SLC25A10: variants seen among roughly 807,000 people sequenced by gnomAD.
The protein encoded by SLC25A10 is solute carrier family 25 member 10, also known as mitochondrial dicarboxylate carrier.
A neutral mutation model predicts 40.4 loss-of-function variants in SLC25A10; 32 were observed. That is an observed-to-expected ratio of 0.79 (90% CI 0.60 to 1.06). SLC25A10 has a LOEUF of 1.06. SLC25A10 is among the 50% of genes least tolerant of loss of function. The probability of loss-of-function intolerance (pLI) is 0.00; values close to 1 mark genes in which losing one functional copy is unlikely to be tolerated. For synonymous variants in SLC25A10, 181 were observed against 171.1 expected (o/e 1.06, Z -0.45); for missense variants, 394 against 402.6 (o/e 0.98, Z 0.18).
Position 81,712,472 on chromosome 17 carries a change from G to A in SLC25A10, c.46G>A (p.Ala16Thr). Reference sequence around the variant, plus strand: ...GTCGCGCTGGTACTTCGGGGGGCTGGCCTCCTGCGGGGCCGCCTGCTGCAC... The same window carrying A: ...GTCGCGCTGGTACTTCGGGGGGCTGACCTCCTGCGGGGCCGCCTGCTGCAC... ...RVSRWYFGGL[A>T]SCGAACCTHP... The change falls in exon 1 of 11, where the codon GCC (alanine) becomes ACC (threonine). Residue 16 changes from alanine to threonine, a missense_variant. Transcript: ENST00000350690. 1 of 1,305,290 alleles carries A rather than the reference G, an allele frequency of 7.7e-7. No homozygotes were observed. Among genetic ancestry groups the A allele is most frequent in the Non-Finnish European group, 9.7e-7 (1 of 1,028,728 alleles). 80.9% of individuals were successfully genotyped at this position (1,305,290 alleles called of 1,614,324 possible). A position where few individuals can be genotyped will look rare whatever the true frequency, so the allele number is the denominator to read the frequency against.
intron 5 of SLC25A10, 185 bp from the exon 6 acceptor site, chr17:81,716,627 G>A (rs979688775): frequency 2.7e-5 from 17 of 618,688 alleles, no homozygotes; most frequent in Admixed American, 1.4e-4. Context: ...CCTGAGGGCC[G>A]GGCGGGGCGG....
At chr17:81,716,117 G>T in intron 5 of SLC25A10, 67 bp downstream of exon 5, 1 of 1,513,546 alleles carries the variant, frequency 6.6e-7, no homozygotes, top group Non-Finnish European at 9.0e-7. Context: ...CGGACCCCTG[G>T]CTGCTCTGCC....
In SLC25A10 at chr17:81,717,387, G is replaced by A; in HGVS notation, c.535-12G>A. 3 of 1,613,038 alleles carry A rather than the reference G, an allele frequency of 1.9e-6. No homozygotes were observed. The highest frequency in any genetic ancestry group is 1.7e-6 in the Non-Finnish European group (2 of 1,179,832). ...CCCCCCTACAGCCCTGACCGCCCTT[G>A]TGCCCCTGCAGCTGTCCTGCTACGA... On this transcript the variant is annotated splice_polypyrimidine_tract_variant and intron_variant, in intron 7 of 10. Transcript: ENST00000350690.
chr17:81,716,368 CT>C (rs1208057607), intron 5 of SLC25A10, among the ~76,000 whole-genome samples: 1 of 152,218 alleles, frequency 6.6e-6, no homozygotes, highest in Non-Finnish European at 1.5e-5. Context: ...GAGGCGCTGC[CT>C]CCCTGCCCAG....
chr17:81,714,845 C>A, intron 1 of SLC25A10, 108 bp from the exon 2 acceptor site: 1 of 1,462,716 alleles, frequency 6.8e-7, no homozygotes, highest in African/African-American at 1.4e-5. Flanking sequence ...CGGGCAGGGC[C>A]GTGGGAGGCC....
chr17:81,715,448 G>T, intron 2 of SLC25A10, 30 bp from the exon 3 acceptor site: 1 of 1,577,998 alleles, frequency 6.3e-7, no homozygotes, highest in Non-Finnish European at 8.7e-7. Context: ...GGGCGTGCCC[G>T]TCCCTCCAAG....
Position 81,719,849 on chromosome 17 carries a change from G to C in SLC25A10, c.724G>C (p.Val242Leu). 1.2e-6 allele frequency: 2 copies of C among 1,613,632 alleles called. No individual in the cohort carries two copies. Among genetic ancestry groups the C allele is most frequent in the Non-Finnish European group, 1.7e-6 (2 of 1,179,988 alleles). Residue 242 changes from valine to leucine, a missense_variant, in exon 10 of 11, where the codon GTG becomes CTG. By Grantham distance (32) the Val-to-Leu change is conservative. Transcript: ENST00000350690. ...TCTGCAGGGCGTTTTCCACTGCGCCGTGGAGACAGCGAAGCTCGGGCCTCT... is the reference window on the plus strand; with the variant it reads ...TCTGCAGGGCGTTTTCCACTGCGCCCTGGAGACAGCGAAGCTCGGGCCTCT... Reference protein sequence around the residue: ...GEYQGVFHCAVETAKLGPLAF... With the variant: ...GEYQGVFHCALETAKLGPLAF...
At chr17:81,719,223 A>G (rs933021090) in intron 9 of SLC25A10, among the ~76,000 whole-genome samples, 6 of 148,860 alleles carry the variant, frequency 4.0e-5, no homozygotes, top group African/African-American at 1.5e-4. Context: ...ACGTGCCACC[A>G]CTCCTGGCTA....
rs1251733949 is a variant in SLC25A10 at position 81,720,601 on chromosome 17, G to A, written c.*524G>A. On this transcript the variant is annotated 3_prime_UTR_variant, in exon 11 of 11. Coordinates refer to ENST00000350690, the MANE Select transcript of SLC25A10 (RefSeq NM_012140.5). ...ACTCCCCGCGAGACCCCGCAGCTGG[G>A]TGGGATGAACAAGCAACGCAGACCA... The A allele has an allele frequency of 2.7e-6, 3 of 1,121,084 alleles. No homozygotes were observed. The highest frequency in any genetic ancestry group is 1.1e-6 in the Non-Finnish European group (1 of 878,846). The allele number at this position is 1,121,084 out of a possible 1,614,324, so 69.4% of individuals were successfully genotyped here. A position where few individuals can be genotyped will look rare whatever the true frequency, so the allele number is the denominator to read the frequency against.
At chr17:81,715,339 G>A (rs1598211599) in intron 2 of SLC25A10, 139 bp from the exon 3 acceptor site, 2 of 841,038 alleles carry the variant, frequency 2.4e-6, no homozygotes, top group South Asian at 1.6e-5. Context: ...TCAGCCGCAT[G>A]CTGGCACAGT....
At chr17:81,714,356 G>A (rs1484196839) in intron 1 of SLC25A10, among the ~76,000 whole-genome samples, 1 of 152,190 alleles carries the variant, frequency 6.6e-6, no homozygotes, top group Non-Finnish European at 1.5e-5. Context: ...GGAGGTTGTC[G>A]GGCTGACAGC....
At chr17:81,715,816 G>A in intron 4 of SLC25A10, 75 bp downstream of exon 4, 2 of 1,578,664 alleles carry the variant, frequency 1.3e-6, no homozygotes, top group Non-Finnish European at 1.7e-6. Context: ...TGCCAGGGCT[G>A]CTTGCAGGGT....
intron 3 of SLC25A10, 28 bp downstream of exon 3, chr17:81,715,620 G>A (rs8071492): frequency 0.13 from 209,965 of 1,611,158 alleles, 14,658 homozygotes; most frequent in African/African-American, 0.2. Flanking sequence ...AGGGGGAGGG[G>A]CGCGGGGTGG....
At chr17:81,716,947 A>G in intron 6 of SLC25A10, 55 bp from the exon 7 acceptor site, 1 of 1,187,824 alleles carries the variant, frequency 8.4e-7, no homozygotes, top group South Asian at 1.3e-5. Flanking sequence ...GATTTGGGCC[A>G]GGTGCCTGGC....
chr17:81,715,139 C>T, intron 2 of SLC25A10, 67 bp downstream of exon 2: 1 of 1,573,110 alleles, frequency 6.4e-7, no homozygotes. Flanking sequence ...ATCCAAGCTA[C>T]TTCCGTCCCC....
At position 81,717,023 on chromosome 17, in the gene SLC25A10, C is replaced by T. The variant is rs370250125; in HGVS notation, c.485C>T (p.Ser162Leu). Reference sequence around the variant, plus strand: ...GCAGAGGGTCTCAGGAGACTGTTCTCGGGTGCAACCATGGCATCCAGCCGA... The same window carrying T: ...GCAGAGGGTCTCAGGAGACTGTTCTTGGGTGCAACCATGGCATCCAGCCGA... ...AREEGLRRLF[S>L]GATMASSRGA... Residue 162 changes from serine (S) to leucine (L), a missense_variant, in exon 7 of 11, where the codon TCG becomes TTG. Physicochemically the swap from Ser to Leu is moderately radical, Grantham distance 145. Coordinates refer to ENST00000350690, the MANE Select transcript of SLC25A10 (RefSeq NM_012140.5). 70 of 1,613,598 alleles carry T rather than the reference C, an allele frequency of 4.3e-5. No homozygotes were observed. Among genetic ancestry groups the T allele is most frequent in the Non-Finnish European group, 5.2e-5 (61 of 1,179,952 alleles).
At chr17:81,716,669 T>G (rs1027567566) in intron 5 of SLC25A10, 143 bp from the exon 6 acceptor site, 2 of 803,512 alleles carry the variant, frequency 2.5e-6, no homozygotes, top group African/African-American at 3.4e-5. Context: ...AGGACCAGCT[T>G]CATGTTCCCA....
At chr17:81,717,211 G>A in intron 7 of SLC25A10, 139 bp downstream of exon 7, 1 of 1,121,182 alleles carries the variant, frequency 8.9e-7, no homozygotes, top group Non-Finnish European at 1.3e-6. Flanking sequence ...GGCAGGGTGG[G>A]GGGCACGGGT....
intron 9 of SLC25A10, among the ~76,000 whole-genome samples, chr17:81,718,895 G>C (rs763931997): frequency 1.7e-4 from 26 of 151,720 alleles, no homozygotes; most frequent in Non-Finnish European, 3.2e-4. Flanking sequence ...GTTGCAGTGA[G>C]CCGAGATTGC....
Sources: gnomAD v4.1 joint callset for allele counts (sites outside exome capture counted in the v4.1 genomes callset) on GRCh38, gnomAD v4.1.1 for gene constraint, MANE v1.5 for transcripts, NCBI Gene and HGNC (gene_info 2026-07-23, HGNC 2026-07-21) for gene names.